The following SGCD variants were observed in gnomAD, a reference collection of about 807,000 sequenced individuals.
SGCD encodes the protein sarcoglycan delta.
Under a neutral mutation model 36.6 loss-of-function variants are expected in SGCD, and 18 were observed. The observed-to-expected ratio is 0.49, with a 90% confidence interval of 0.34 to 0.73. The LOEUF (loss-of-function observed/expected upper bound fraction) is 0.73. SGCD is among the 30% of genes least tolerant of loss of function. SGCD has a pLI of 0.01. For missense variants in SGCD, 387 were observed against 346.7 expected (o/e 1.12, Z -0.92); for synonymous variants, 133 against 130.6 (o/e 1.02, Z -0.12).
At chr5:155,826,025 C>G in the SGCD span, among the ~76,000 whole-genome samples, 1 of 152,222 alleles carries the variant, frequency 6.6e-6, no homozygotes, top group Non-Finnish European at 1.5e-5. Context: ...GCTGGGATCA[C>G]AGGCGTGAGC....
chr5:156,242,117 T>G lies in SGCD; in HGVS notation c.-43-87417T>G, dbSNP rs116408908. On this transcript the variant is annotated intron_variant, in intron 3 of 9. Transcript: ENST00000517913. ...AAAACTAACACAATCCATATGTCCT[T>G]CAGTGGGGCAATGGTTAAACTGTGG... 5.5e-3 allele frequency among the ~76,000 whole-genome samples: 845 copies of G among 152,296 alleles called. 3 individuals carry two copies. The highest frequency in any genetic ancestry group is 0.018 in the African/African-American group (755 of 41,550).
chr5:155,998,731 A>G (rs1229267621), intron 1 of SGCD, among the ~76,000 whole-genome samples: 2 of 152,190 alleles, frequency 1.3e-5, no homozygotes, highest in Admixed American at 1.3e-4. Flanking sequence ...CTACCCTAGA[A>G]AGCTTGTTAA....
At chr5:156,187,897 C>T (rs1300752954) in intron 3 of SGCD, among the ~76,000 whole-genome samples, 1 of 152,176 alleles carries the variant, frequency 6.6e-6, no homozygotes, top group Non-Finnish European at 1.5e-5. Flanking sequence ...TCCCAGGCTG[C>T]TCTCTCCTCC....
intron 3 of SGCD, among the ~76,000 whole-genome samples, chr5:156,399,025 A>G (rs1772005902): frequency 6.6e-6 from 1 of 152,218 alleles, no homozygotes; most frequent in African/African-American, 2.4e-5. Context: ...AGAAAGTTCT[A>G]TTGGATTGCT....
At chr5:155,994,885 C>T (rs1477265877) in intron 1 of SGCD, among the ~76,000 whole-genome samples, 4 of 152,098 alleles carry the variant, frequency 2.6e-5, no homozygotes, top group Admixed American at 2.0e-4. Flanking sequence ...TTGAATTTTC[C>T]TGGTATTCCT....
intron 1 of SGCD, among the ~76,000 whole-genome samples, chr5:155,876,814 G>A (rs1755777810): frequency 6.6e-6 from 1 of 152,062 alleles, no homozygotes; most frequent in East Asian, 1.9e-4. Context: ...AGGATATTCT[G>A]CCTTTATTTT....
intron 4 of SGCD, among the ~76,000 whole-genome samples, chr5:156,547,444 T>C (rs914675191): frequency 6.6e-6 from 1 of 151,552 alleles, no homozygotes; most frequent in African/African-American, 2.4e-5. Context: ...AATATGACTT[T>C]TTTTTTTTTT....
the SGCD span, among the ~76,000 whole-genome samples, chr5:155,852,859 T>C: frequency 6.6e-6 from 1 of 152,166 alleles, no homozygotes; most frequent in African/African-American, 2.4e-5. Context: ...TAAGGCAGAG[T>C]TGTTCAAGTA....
chr5:156,293,924 G>A (rs1347921402), intron 3 of SGCD, among the ~76,000 whole-genome samples: 2 of 152,142 alleles, frequency 1.3e-5, no homozygotes, highest in African/African-American at 4.8e-5. Context: ...ATTTTGAATA[G>A]TATTGACATC....
At chr5:156,602,986 G>C (rs1490302141) in intron 6 of SGCD, among the ~76,000 whole-genome samples, 3 of 152,010 alleles carry the variant, frequency 2.0e-5, no homozygotes, top group Admixed American at 6.6e-5. Context: ...CCTCTTCTCT[G>C]ATGTTATGGA....
intron 1 of SGCD, among the ~76,000 whole-genome samples, chr5:155,956,402 A>G (rs1757650171): frequency 6.6e-6 from 1 of 152,162 alleles, no homozygotes; most frequent in African/African-American, 2.4e-5. Flanking sequence ...GAAGAAATCA[A>G]AATTACAAAT....
At chr5:156,327,699 CAG>C (rs1767873911) in intron 1 of SGCD, among the ~76,000 whole-genome samples, 2 of 152,134 alleles carry the variant, frequency 1.3e-5, no homozygotes, top group Admixed American at 6.5e-5. Context: ...AGGAGGGAAT[CAG>C]AGTTTGAAGT....
At chr5:155,976,386 GA>G (rs1418298138) in intron 1 of SGCD, among the ~76,000 whole-genome samples, 1 of 152,140 alleles carries the variant, frequency 6.6e-6, no homozygotes, top group Non-Finnish European at 1.5e-5. Context: ...GAGCTAAAAT[GA>G]TATCAATGGC....
intron 3 of SGCD, among the ~76,000 whole-genome samples, chr5:156,445,975 A>G (rs1753741546): frequency 6.6e-6 from 1 of 152,136 alleles, no homozygotes; most frequent in South Asian, 2.1e-4. Flanking sequence ...GAAAAATGTA[A>G]AAATAGAGTC....
chr5:156,254,479 C>T (rs1765663253), intron 3 of SGCD, among the ~76,000 whole-genome samples: 1 of 152,094 alleles, frequency 6.6e-6, no homozygotes, highest in African/African-American at 2.4e-5. Context: ...TGGATTTTTT[C>T]CTGTATATGA....
intron 1 of SGCD, among the ~76,000 whole-genome samples, chr5:155,977,727 G>A (rs971862322): frequency 3.3e-5 from 5 of 152,186 alleles, no homozygotes; most frequent in African/African-American, 1.2e-4. Flanking sequence ...AATAGGCCAG[G>A]AAACCAAGAA....
At chr5:155,857,999 CT>C in the SGCD span, among the ~76,000 whole-genome samples, 1 of 151,942 alleles carries the variant, frequency 6.6e-6, no homozygotes, top group Non-Finnish European at 1.5e-5. Flanking sequence ...TGGTTGAATG[CT>C]TTTTATTCTA....
intron 1 of SGCD, among the ~76,000 whole-genome samples, chr5:155,931,956 G>A (rs961945669): frequency 5.9e-5 from 9 of 152,146 alleles, no homozygotes; most frequent in South Asian, 2.1e-4. Flanking sequence ...CCTTCTCCCT[G>A]TGTGCTCACA....
At chr5:156,451,494 C>T (rs572362236) in intron 3 of SGCD, among the ~76,000 whole-genome samples, 1 of 152,084 alleles carries the variant, frequency 6.6e-6, no homozygotes, top group African/African-American at 2.4e-5. Flanking sequence ...AACTTCCCAT[C>T]GGAGTCCATT....
Sources: allele counts gnomAD v4.1 joint callset (sites outside exome capture counted in the v4.1 genomes callset), GRCh38; gene constraint gnomAD v4.1.1; transcripts MANE v1.5; gene names NCBI Gene and HGNC (gene_info 2026-07-23, HGNC 2026-07-21).